Variants in MAML2 observed in about 807,000 individuals in gnomAD.
MAML2 encodes mastermind like transcriptional coactivator 2.
In MAML2, 22 loss-of-function variants were observed where a neutral mutation model predicts 96.1. The observed-to-expected ratio is 0.23, with a 90% CI of 0.16 to 0.33. The LOEUF (loss-of-function observed/expected upper bound fraction) is 0.33. Among genes scored for constraint, MAML2 ranks in the 10% least tolerant of loss-of-function variants. MAML2 has a pLI of 1.00. For synonymous variants in MAML2, 561 were observed against 521.3 expected (o/e 1.08, Z -1.04); for missense variants, 1,367 against 1,392.4 (o/e 0.98, Z 0.29).
In MAML2 at chr11:96,342,491, T is replaced by C; in HGVS notation, c.-596A>G. The C allele has an allele frequency of 2.5e-6, 1 of 398,628 alleles. No homozygotes were observed. Among genetic ancestry groups the C allele is most frequent in the Non-Finnish European group, 4.4e-6 (1 of 226,078 alleles). 24.7% of individuals were successfully genotyped at this position (398,628 alleles called of 1,614,324 possible). A position where few individuals can be genotyped will look rare whatever the true frequency, so the allele number is the denominator to read the frequency against. On this transcript the variant is annotated 5_prime_UTR_variant, in exon 1 of 5. Transcript: ENST00000524717. ...AACAAAACAGTGCTGTTTCAGAAGA[T>C]GTTTAAGTCACTGTTCAAAATGTGC... is the stretch of plus-strand genomic sequence containing the variant.
At chr11:96,068,915 CTTTTT>C (rs71040128) in intron 2 of MAML2, among the ~76,000 whole-genome samples, 5 of 106,490 alleles carry the variant, frequency 4.7e-5, no homozygotes, top group Non-Finnish European at 7.2e-5. Flanking sequence ...TTCTTCCCTC[CTTTTT>C]TTTTTTTTTT....
intron 1 of MAML2, among the ~76,000 whole-genome samples, chr11:96,336,448 T>C (rs1863922265): frequency 6.6e-6 from 1 of 152,234 alleles, no homozygotes; most frequent in South Asian, 2.1e-4. Context: ...GCAGGGACAA[T>C]GTCTTTAGCT....
intron 2 of MAML2, among the ~76,000 whole-genome samples, chr11:96,072,543 T>A (rs1859363523): frequency 6.6e-6 from 1 of 152,190 alleles, no homozygotes; most frequent in Non-Finnish European, 1.5e-5. Flanking sequence ...GAACCTAAAT[T>A]TGAGTATTTA....
chr11:96,223,553 CT>C (rs1451403507), intron 1 of MAML2, among the ~76,000 whole-genome samples: 5 of 150,264 alleles, frequency 3.3e-5, no homozygotes, highest in African/African-American at 1.2e-4. Flanking sequence ...CTTTTTTTTT[CT>C]TTTTTTCTTT....
At chr11:96,274,825 G>A (rs1862964963) in intron 1 of MAML2, among the ~76,000 whole-genome samples, 1 of 152,074 alleles carries the variant, frequency 6.6e-6, no homozygotes, top group Non-Finnish European at 1.5e-5. Context: ...AAAGGTCTAA[G>A]AAGAAAATAA....
chr11:96,312,218 T>C (rs1473419961), intron 1 of MAML2, among the ~76,000 whole-genome samples: 1 of 22,148 alleles, frequency 4.5e-5, no homozygotes, highest in Non-Finnish European at 7.9e-5. Context: ...AGACTCTATC[T>C]CAAAAAAAAA....
In MAML2 at chr11:96,003,514, T is replaced by C. The variant is rs531639899; in HGVS notation, c.2140-11791A>G. On this transcript the variant is annotated intron_variant, in intron 2 of 4. Coordinates refer to ENST00000524717, the MANE Select transcript of MAML2 (RefSeq NM_032427.4). ...AAACAAGATAATAAGCAAATATATA[T>C]ACATTTTAAAATCCCTCTGTTCAAA... is the stretch of plus-strand genomic sequence containing the variant. 3.3e-5 allele frequency among the ~76,000 whole-genome samples: 5 copies of C among 152,256 alleles called. No homozygotes were observed. In the South Asian group the frequency reaches 8.3e-4, roughly 25 times the overall value.
intron 2 of MAML2, among the ~76,000 whole-genome samples, chr11:96,038,369 G>A (rs557270616): frequency 3.9e-5 from 6 of 152,282 alleles, no homozygotes; most frequent in Admixed American, 2.0e-4. Flanking sequence ...TAGATTTTGC[G>A]TAAATCAATT....
intron 1 of MAML2, among the ~76,000 whole-genome samples, chr11:96,141,657 T>C (rs1860732133): frequency 1.3e-5 from 2 of 152,204 alleles, no homozygotes; most frequent in African/African-American, 2.4e-5. Flanking sequence ...CTCCCTCCGA[T>C]TGCCTTCCTT....
intron 1 of MAML2, among the ~76,000 whole-genome samples, chr11:96,159,403 G>GATTTTTTTTTTTTTTT (rs1861064275): frequency 1.7e-5 from 1 of 58,484 alleles, no homozygotes; most frequent in Non-Finnish European, 3.4e-5. Context: ...CTAAACCACT[G>GATTTTTTTTTTTTTTT]ATTCTTTTTT....
chr11:96,114,384 C>T (rs1860197628), intron 1 of MAML2, among the ~76,000 whole-genome samples: 1 of 152,180 alleles, frequency 6.6e-6, no homozygotes, highest in African/African-American at 2.4e-5. Flanking sequence ...TCGTTTGATC[C>T]TAATCTCCTT....
At chr11:96,317,362 T>A (rs2136008482) in intron 1 of MAML2, among the ~76,000 whole-genome samples, 1 of 152,260 alleles carries the variant, frequency 6.6e-6, no homozygotes, top group Admixed American at 6.5e-5. Flanking sequence ...CCAAGATGAT[T>A]TCAAAAACTT....
chr11:96,010,421 T>TA (rs1340053453), intron 2 of MAML2, among the ~76,000 whole-genome samples: 1 of 152,198 alleles, frequency 6.6e-6, no homozygotes, highest in East Asian at 1.9e-4. Flanking sequence ...AGGGGACACT[T>TA]AACAAGAGAC....
chr11:96,036,059 A>G (rs1260365735), intron 2 of MAML2, among the ~76,000 whole-genome samples: 1 of 152,236 alleles, frequency 6.6e-6, no homozygotes, highest in African/African-American at 2.4e-5. Flanking sequence ...AAGTATAGCA[A>G]TTTTAAAAAA....
chr11:96,204,289 G>A (rs1001697354), intron 1 of MAML2, among the ~76,000 whole-genome samples: 6 of 152,130 alleles, frequency 3.9e-5, no homozygotes, highest in African/African-American at 1.4e-4. Context: ...CCTACTACGC[G>A]CCAACCCCTG....
At chr11:96,200,746 C>G (rs75369619) in intron 1 of MAML2, among the ~76,000 whole-genome samples, 1 of 151,882 alleles carries the variant, frequency 6.6e-6, no homozygotes, top group African/African-American at 2.4e-5. Context: ...TGGGGGGATA[C>G]GGGTGGAGAA....
Position 96,062,310 on chromosome 11 carries a change from T to C in MAML2, c.2139+29582A>G, listed in dbSNP as rs558536104. ...GTAATGCCAGTGAGATGATGTAGTA[T>C]TTCCTGTACTGTTTTAACTTCTCAA... On this transcript the variant is annotated intron_variant, in intron 2 of 4. Coordinates refer to ENST00000524717, the MANE Select transcript of MAML2 (RefSeq NM_032427.4). Among the ~76,000 whole-genome samples the C allele has an allele frequency of 1.8e-4, 27 of 152,322 alleles. No individual in the cohort carries two copies. In the East Asian group the frequency reaches 4.6e-3, roughly 26 times the overall value.
intron 2 of MAML2, among the ~76,000 whole-genome samples, chr11:96,059,504 A>T (rs1328669076): frequency 2.0e-5 from 3 of 152,252 alleles, no homozygotes; most frequent in Admixed American, 2.0e-4. Context: ...ATGTTATGTA[A>T]TAAACATAGA....
intron 1 of MAML2, among the ~76,000 whole-genome samples, chr11:96,238,603 T>C (rs1397940646): frequency 6.6e-6 from 1 of 152,238 alleles, no homozygotes; most frequent in African/African-American, 2.4e-5. Context: ...TTGATCCCAT[T>C]GTAGCTATTA....
Sources: gnomAD v4.1 joint callset for allele counts (sites outside exome capture counted in the v4.1 genomes callset) on GRCh38, gnomAD v4.1.1 for gene constraint, MANE v1.5 for transcripts, NCBI Gene and HGNC (gene_info 2026-07-23, HGNC 2026-07-21) for gene names.